RTN4RL1: variants seen among roughly 807,000 people sequenced by gnomAD.
RTN4RL1 encodes the protein reticulon 4 receptor like 1, also known as reticulon-4 receptor-like 1.
A neutral mutation model predicts 25.6 loss-of-function variants in RTN4RL1; 7 were observed. The observed-to-expected ratio is 0.27, with a 90% CI of 0.16 to 0.51. The LOEUF (loss-of-function observed/expected upper bound fraction) is 0.51. Ranked by LOEUF, RTN4RL1 falls within the 20% of genes least tolerant of loss-of-function variation. The pLI, the probability that RTN4RL1 is intolerant of heterozygous loss-of-function variation, is 0.97. For missense variants in RTN4RL1, 500 were observed against 615.6 expected (o/e 0.81, Z 1.99); for synonymous variants, 297 against 288.2 (o/e 1.03, Z -0.31).
At chr17:1,995,339 T>C (rs2066924705) in intron 1 of RTN4RL1, among the ~76,000 whole-genome samples, 1 of 148,714 alleles carries the variant, frequency 6.7e-6, no homozygotes, top group Admixed American at 6.8e-5. Context: ...GGCAGGAAAA[T>C]CACTTAAACT....
intron 1 of RTN4RL1, among the ~76,000 whole-genome samples, chr17:1,975,656 A>C (rs542459535): frequency 6.6e-6 from 1 of 152,136 alleles, no homozygotes; most frequent in Admixed American, 6.5e-5. Context: ...GACTCAAAAA[A>C]GAAAAAGAAA....
intron 1 of RTN4RL1, among the ~76,000 whole-genome samples, chr17:1,950,846 C>CCA (rs1915657810): frequency 5.6e-5 from 1 of 17,788 alleles, no homozygotes; most frequent in Non-Finnish European, 1.2e-4. Flanking sequence ...ACACAGTCTC[C>CCA]AAAAAAAAAA....
intron 1 of RTN4RL1, among the ~76,000 whole-genome samples, chr17:1,987,263 C>T: frequency 6.6e-6 from 1 of 152,046 alleles, no homozygotes; most frequent in Admixed American, 6.6e-5. Flanking sequence ...GGGCTCGTAC[C>T]CAATCAACAC....
Position 1,980,926 on chromosome 17 carries a change from C to CAAAAA in RTN4RL1, c.14-43123_14-43119dup, listed in dbSNP as rs71723916. Among the ~76,000 whole-genome samples the CAAAAA allele has an allele frequency of 1.1e-3, 94 of 87,010 alleles. 2 individuals carry two copies. The highest frequency in any genetic ancestry group is 3.4e-3 in the African/African-American group (72 of 21,418). 57.1% of individuals were successfully genotyped at this position (87,010 alleles called of 152,430 possible). On this transcript the variant is annotated intron_variant, in intron 1 of 1. Coordinates refer to ENST00000331238, the MANE Select transcript of RTN4RL1 (RefSeq NM_178568.4). Reference sequence around the variant, plus strand: ...TGGGCCACAGAGTGAGATTCTATCTCAAAAAAAAAAAAAAAAAAAAGAAGT... The same window carrying CAAAAA: ...TGGGCCACAGAGTGAGATTCTATCTCAAAAAAAAAAAAAAAAAAAAAAAAAGAAGT...
At chr17:1,953,389 C>A (rs376269249) in intron 1 of RTN4RL1, among the ~76,000 whole-genome samples, 2 of 151,892 alleles carry the variant, frequency 1.3e-5, no homozygotes, top group Non-Finnish European at 2.9e-5. Flanking sequence ...CTGGGTAGAG[C>A]GAGATCCCGT....
intron 1 of RTN4RL1, among the ~76,000 whole-genome samples, chr17:1,948,407 G>A (rs949274498): frequency 2.0e-5 from 3 of 152,244 alleles, no homozygotes; most frequent in East Asian, 1.9e-4. Flanking sequence ...GCTGAAGGCC[G>A]AGGGCTTCTG....
At chr17:1,991,461 AAAC>A (rs869188163) in intron 1 of RTN4RL1, among the ~76,000 whole-genome samples, 2,697 of 143,044 alleles carry the variant, frequency 0.019, 172 homozygotes, top group African/African-American at 0.059. Flanking sequence ...AAAAAAAAAA[AAAC>A]AAAAAAAAAC....
intron 1 of RTN4RL1, among the ~76,000 whole-genome samples, chr17:2,001,764 G>A (rs73976169): frequency 0.024 from 3,610 of 152,280 alleles, 129 homozygotes; most frequent in African/African-American, 0.08. Context: ...CTCCTCAATG[G>A]CCAGTGGAGA....
chr17:1,961,792 A>AAAAAAAAAAAAAAAAAC, intron 1 of RTN4RL1, among the ~76,000 whole-genome samples: 1 of 134,054 alleles, frequency 7.5e-6, no homozygotes, highest in Non-Finnish European at 1.6e-5. Flanking sequence ...AAAAAAAAAA[A>AAAAAAAAAAAAAAAAAC]AAAAAATTAG....
At chr17:2,008,056 T>A (rs1361609134) in intron 1 of RTN4RL1, among the ~76,000 whole-genome samples, 1 of 152,010 alleles carries the variant, frequency 6.6e-6, no homozygotes, top group East Asian at 1.9e-4. Context: ...GCGGATCACC[T>A]GAGGTCAGGA....
intron 1 of RTN4RL1, among the ~76,000 whole-genome samples, chr17:1,954,283 A>G (rs895128937): frequency 6.6e-6 from 1 of 152,062 alleles, no homozygotes; most frequent in African/African-American, 2.4e-5. Context: ...CATACTGGGC[A>G]ACTCTGTGAT....
chr17:2,000,674 C>T (rs1225636462), intron 1 of RTN4RL1, among the ~76,000 whole-genome samples: 1 of 152,040 alleles, frequency 6.6e-6, no homozygotes, highest in African/African-American at 2.4e-5. Flanking sequence ...GGCGTGCCAC[C>T]ACGTCTGGCT....
In RTN4RL1 at chr17:1,968,182, G is replaced by A. The variant is rs150978255; in HGVS notation, c.14-30374C>T. On this transcript the variant is annotated intron_variant, in intron 1 of 1. Coordinates refer to ENST00000331238, the MANE Select transcript of RTN4RL1 (RefSeq NM_178568.4). Reference sequence around the variant, plus strand: ...TCAGCACTCTGCCGACTCCAATTCCGAACTGCTTTCCGCACAGGTCCTCTG... The same window carrying A: ...TCAGCACTCTGCCGACTCCAATTCCAAACTGCTTTCCGCACAGGTCCTCTG... Among the ~76,000 whole-genome samples, 7 of 152,164 alleles carry A rather than the reference G, an allele frequency of 4.6e-5. No homozygotes were observed. The East Asian group carries it at 9.7e-4, about 21-fold the overall frequency.
intron 1 of RTN4RL1, among the ~76,000 whole-genome samples, chr17:1,995,359 G>C (rs760573297): frequency 5.3e-5 from 8 of 151,572 alleles, no homozygotes; most frequent in Non-Finnish European, 1.2e-4. Context: ...TCGGGAGGCG[G>C]AGGTTGCAGT....
At chr17:2,012,999 G>A (rs917930472) in intron 1 of RTN4RL1, among the ~76,000 whole-genome samples, 1 of 152,056 alleles carries the variant, frequency 6.6e-6, no homozygotes, top group Non-Finnish European at 1.5e-5. Flanking sequence ...TCATCATGTT[G>A]ACCAGGCTAG....
chr17:1,993,303 G>C (rs1028568941), intron 1 of RTN4RL1, among the ~76,000 whole-genome samples: 1 of 152,180 alleles, frequency 6.6e-6, no homozygotes, highest in Non-Finnish European at 1.5e-5. Context: ...GGTGGGGAAT[G>C]TCAGAACTGA....
intron 1 of RTN4RL1, among the ~76,000 whole-genome samples, chr17:2,004,457 G>A (rs979585880): frequency 2.0e-5 from 3 of 152,072 alleles, no homozygotes; most frequent in Admixed American, 1.3e-4. Context: ...CTGGGCTGAG[G>A]CGGGGCTTTC....
At chr17:1,970,363 A>C (rs2066813188) in intron 1 of RTN4RL1, among the ~76,000 whole-genome samples, 1 of 152,152 alleles carries the variant, frequency 6.6e-6, no homozygotes, top group Non-Finnish European at 1.5e-5. Flanking sequence ...CGATCTCTCC[A>C]GCAAGGTAGC....
At position 1,936,276 on chromosome 17, in the gene RTN4RL1, C is replaced by T. The variant is rs1426180906; in HGVS notation, c.*220G>A. 9 of 1,374,638 alleles carry T rather than the reference C, an allele frequency of 6.5e-6. No individual in the cohort carries two copies. The Admixed American group carries it at 3.2e-4, about 48-fold the overall frequency. The allele number at this position is 1,374,638 out of a possible 1,614,324, so 85.2% of individuals were successfully genotyped here. ...GTCCGTGGGCGCTCTGCGGGGCTGG[C>T]TGGGACAGCCGGCTGAGAAGCGCCA... On this transcript the variant is annotated 3_prime_UTR_variant, in exon 2 of 2. Coordinates refer to ENST00000331238, the MANE Select transcript of RTN4RL1 (RefSeq NM_178568.4).
Sources: gnomAD v4.1 joint callset for allele counts (sites outside exome capture counted in the v4.1 genomes callset) on GRCh38, gnomAD v4.1.1 for gene constraint, MANE v1.5 for transcripts, NCBI Gene and HGNC (gene_info 2026-07-23, HGNC 2026-07-21) for gene names.